Variants in CNTN5 observed in about 807,000 individuals in gnomAD.
CNTN5 encodes contactin-5.
Under a neutral mutation model 129.1 loss-of-function variants are expected in CNTN5, and 77 were observed. The observed-to-expected ratio is 0.60, with a 90% CI of 0.50 to 0.72. The LOEUF is 0.72. Ranked by LOEUF, CNTN5 falls within the 30% of genes least tolerant of loss-of-function variation. CNTN5 has a pLI of 0.00. For synonymous variants in CNTN5, 509 were observed against 465.6 expected (o/e 1.09, Z -1.20); for missense variants, 1,478 against 1,328.8 (o/e 1.11, Z -1.75).
At chr11:99,230,656 T>G (rs187626979) in intron 1 of CNTN5, among the ~76,000 whole-genome samples, 254 of 152,270 alleles carry the variant, frequency 1.7e-3, no homozygotes, top group African/African-American at 5.9e-3. Context: ...TTTTTAATCT[T>G]ATACGATTTT....
chr11:99,145,259 C>T (rs1287242237), intron 1 of CNTN5, among the ~76,000 whole-genome samples: 2 of 151,884 alleles, frequency 1.3e-5, no homozygotes, highest in African/African-American at 4.8e-5. Context: ...TAATAGAGAT[C>T]AGGTATCACT....
At chr11:100,119,530 C>T (rs568059197) in intron 13 of CNTN5, among the ~76,000 whole-genome samples, 8 of 151,908 alleles carry the variant, frequency 5.3e-5, no homozygotes, top group African/African-American at 1.9e-4. Flanking sequence ...TAGATTTCTG[C>T]ATTTCCTAGA....
chr11:99,415,776 G>C (rs1368944630), intron 2 of CNTN5, among the ~76,000 whole-genome samples: 1 of 152,076 alleles, frequency 6.6e-6, no homozygotes, highest in Non-Finnish European at 1.5e-5. Flanking sequence ...ACAGATAGTC[G>C]TGCAATCATT....
At chr11:99,445,150 A>G (rs910840160) in intron 2 of CNTN5, among the ~76,000 whole-genome samples, 1 of 149,366 alleles carries the variant, frequency 6.7e-6, no homozygotes, top group Non-Finnish European at 1.5e-5. Flanking sequence ...TTAATCATAT[A>G]TATAGCTTAT....
intron 1 of CNTN5, among the ~76,000 whole-genome samples, chr11:99,171,550 T>G (rs548445486): frequency 1.3e-5 from 2 of 152,182 alleles, no homozygotes; most frequent in African/African-American, 2.4e-5. Flanking sequence ...ATGTCCTGTT[T>G]CCTTGTAGTT....
intron 3 of CNTN5, among the ~76,000 whole-genome samples, chr11:99,794,803 G>A (rs1945875469): frequency 6.6e-6 from 1 of 152,060 alleles, no homozygotes; most frequent in Non-Finnish European, 1.5e-5. Context: ...TGTTAGCCTG[G>A]TGGGACTCCC....
At chr11:100,204,064 G>A (rs895530495) in intron 15 of CNTN5, among the ~76,000 whole-genome samples, 2 of 150,908 alleles carry the variant, frequency 1.3e-5, no homozygotes, top group Non-Finnish European at 3.0e-5. Context: ...TACAGATCCC[G>A]CCACCAGGAT....
Position 100,071,790 on chromosome 11 carries a change from A to G in CNTN5, c.1385A>G (p.Asn462Ser). The change falls in exon 12 of 25, where the codon AAT (asparagine) becomes AGT (serine). Residue 462 changes from asparagine to serine, a missense_variant. Coordinates refer to ENST00000524871, the MANE Select transcript of CNTN5 (RefSeq NM_014361.4). ...DAGMYQCLAE[N>S]KYGAIYASAE... Reference sequence around the variant, plus strand: ...GGAATGTATCAGTGTTTGGCTGAAAATAAGTATGGAGCCATTTACGCTAGT... The same window carrying G: ...GGAATGTATCAGTGTTTGGCTGAAAGTAAGTATGGAGCCATTTACGCTAGT... 6.2e-7 allele frequency: 1 copy of G among 1,608,226 alleles called. No homozygotes were observed. The highest frequency in any genetic ancestry group is 1.7e-5 in the Admixed American group (1 of 59,284).
At chr11:99,997,107 G>A (rs143798833) in intron 8 of CNTN5, among the ~76,000 whole-genome samples, 189 of 152,214 alleles carry the variant, frequency 1.2e-3, no homozygotes, top group South Asian at 0.012. Context: ...TTTTGATTGC[G>A]TCTATTTGAT....
intron 2 of CNTN5, among the ~76,000 whole-genome samples, chr11:99,330,793 T>G (rs1217855010): frequency 6.6e-6 from 1 of 152,160 alleles, no homozygotes; most frequent in East Asian, 1.9e-4. Flanking sequence ...AGCAGTGGTC[T>G]TTCCTGTCAT....
chr11:100,345,752 C>T (rs546564361), intron 23 of CNTN5, among the ~76,000 whole-genome samples: 1 of 152,156 alleles, frequency 6.6e-6, no homozygotes, highest in African/African-American at 2.4e-5. Flanking sequence ...AAACTTTCCA[C>T]TGATTTTTTT....
chr11:99,956,477 A>T (rs1247905759), intron 7 of CNTN5, among the ~76,000 whole-genome samples: 2 of 152,118 alleles, frequency 1.3e-5, no homozygotes, highest in African/African-American at 4.8e-5. Flanking sequence ...TCTTCATTAA[A>T]TTGATCTTTG....
chr11:100,272,646 C>A (rs545586280), intron 18 of CNTN5, among the ~76,000 whole-genome samples: 1 of 152,216 alleles, frequency 6.6e-6, no homozygotes, highest in Non-Finnish European at 1.5e-5. Context: ...ACAGGGAAGG[C>A]ACTGAGAGTG....
At chr11:100,030,449 C>G (rs1174284576) in intron 9 of CNTN5, among the ~76,000 whole-genome samples, 2 of 152,074 alleles carry the variant, frequency 1.3e-5, no homozygotes, top group Non-Finnish European at 2.9e-5. Context: ...AAGCCATGTC[C>G]CCTAATTAGA....
intron 1 of CNTN5, among the ~76,000 whole-genome samples, chr11:99,099,647 T>G (rs1371264222): frequency 6.6e-6 from 1 of 152,014 alleles, no homozygotes; most frequent in Admixed American, 6.6e-5. Context: ...TTGCCCAGAC[T>G]CCCACTTCCT....
intron 1 of CNTN5, among the ~76,000 whole-genome samples, chr11:99,218,070 G>A (rs528383178): frequency 1.3e-5 from 2 of 152,126 alleles, no homozygotes; most frequent in African/African-American, 4.8e-5. Context: ...GTTTTATGGT[G>A]GTAGTTCTAG....
intron 3 of CNTN5, among the ~76,000 whole-genome samples, chr11:99,793,646 A>G (rs1022076686): frequency 6.6e-6 from 1 of 152,170 alleles, no homozygotes; most frequent in Non-Finnish European, 1.5e-5. Flanking sequence ...CTTTCAAAAA[A>G]TTCCTTGATT....
At chr11:99,374,244 A>G (rs888732303) in intron 2 of CNTN5, among the ~76,000 whole-genome samples, 4 of 152,192 alleles carry the variant, frequency 2.6e-5, no homozygotes, top group African/African-American at 7.2e-5. Flanking sequence ...CTAACTTCAC[A>G]TTTGTTTTCT....
At chr11:99,880,830 G>A (rs547910584) in intron 6 of CNTN5, among the ~76,000 whole-genome samples, 1 of 152,202 alleles carries the variant, frequency 6.6e-6, no homozygotes, top group Admixed American at 6.5e-5. Flanking sequence ...TTTGGAGATA[G>A]TAAAAACTCA....
Sources: gnomAD v4.1 joint callset for allele counts (sites outside exome capture counted in the v4.1 genomes callset) on GRCh38, gnomAD v4.1.1 for gene constraint, MANE v1.5 for transcripts, NCBI Gene and HGNC (gene_info 2026-07-23, HGNC 2026-07-21) for gene names.